The following CHRM3 variants were observed in gnomAD, a reference collection of about 807,000 sequenced individuals.
CHRM3 encodes muscarinic acetylcholine receptor M3.
A neutral mutation model predicts 41.8 loss-of-function variants in CHRM3; 11 were observed. That is an observed-to-expected ratio of 0.26 (90% CI 0.17 to 0.44). The LOEUF (loss-of-function observed/expected upper bound fraction) is 0.44, where lower values mean the gene tolerates loss of function less well. Among genes scored for constraint, CHRM3 ranks in the 20% least tolerant of loss-of-function variants. The pLI is 1.00. For synonymous variants in CHRM3, 297 were observed against 301.4 expected, an observed-to-expected ratio of 0.99 and a Z score of 0.15; for missense variants, 571 against 745.4, an observed-to-expected ratio of 0.77 and a Z score of 2.72.
chr1:239,501,337 A>G (rs1337079057), intron 2 of CHRM3, among the ~76,000 whole-genome samples: 1 of 152,196 alleles, frequency 6.6e-6, no homozygotes, highest in African/African-American at 2.4e-5. Flanking sequence ...TCTGTTCAAC[A>G]GCACATGGAA....
chr1:239,556,559 T>C (rs979558592), intron 3 of CHRM3, among the ~76,000 whole-genome samples: 1 of 152,178 alleles, frequency 6.6e-6, no homozygotes, highest in Non-Finnish European at 1.5e-5. Flanking sequence ...CTACCCAAAG[T>C]ACTAACAACC....
At position 239,908,003 on chromosome 1, in the gene CHRM3, A is replaced by T; in HGVS notation, c.552A>T (p.Arg184Ser). The change falls in exon 7 of 7, where the codon AGA (arginine) becomes AGT (serine). Residue 184 changes from arginine (R) to serine (S), a missense_variant. Arg to Ser is a moderately radical substitution (Grantham distance 110). Around this residue, in one of 5 missense-constraint regions of CHRM3, gnomAD observed 153 missense variants for 296.3 expected, o/e 0.52. Coordinates refer to ENST00000676153, the MANE Select transcript of CHRM3 (RefSeq NM_001375978.1). The surrounding 1 kb of genome is among the most constrained non-coding windows in gnomAD (Gnocchi z 7.2). ...LTYRAKRTTK[R>S]AGVMIGLAWV... ...ACCGAGCCAAACGAACAACAAAGAG[A>T]GCCGGTGTGATGATCGGTCTGGCTT... is the stretch of plus-strand genomic sequence containing the variant. 6.2e-7 allele frequency: 1 copy of T among 1,614,084 alleles called. No individual in the cohort carries two copies.
chr1:239,462,326 G>C (rs1320708550), intron 1 of CHRM3, among the ~76,000 whole-genome samples: 3 of 152,004 alleles, frequency 2.0e-5, no homozygotes, highest in South Asian at 2.1e-4. Context: ...TACCAGGTTA[G>C]TCATATCCAC....
intron 5 of CHRM3, among the ~76,000 whole-genome samples, chr1:239,715,616 A>G (rs1662270513): frequency 6.6e-6 from 1 of 152,142 alleles, no homozygotes; most frequent in African/African-American, 2.4e-5. Context: ...GGTTTGTGTG[A>G]GAAGTGGGAT....
chr1:239,670,013 G>A (rs1341703552), intron 4 of CHRM3, among the ~76,000 whole-genome samples: 2 of 152,060 alleles, frequency 1.3e-5, no homozygotes, highest in Admixed American at 6.6e-5. Context: ...CTTGAAATAC[G>A]AGATTTTAAG....
intron 6 of CHRM3, among the ~76,000 whole-genome samples, chr1:239,846,471 T>C (rs553580066): frequency 6.1e-4 from 93 of 152,304 alleles, no homozygotes; most frequent in African/African-American, 2.1e-3. Flanking sequence ...AATGCACCAA[T>C]GGATAAGCCA....
chr1:239,537,603 A>T (rs968157259), intron 2 of CHRM3, among the ~76,000 whole-genome samples: 1 of 152,072 alleles, frequency 6.6e-6, no homozygotes, highest in Non-Finnish European at 1.5e-5. Flanking sequence ...TCCTACCAGT[A>T]AGGTTCAGAA....
At chr1:239,728,756 C>T (rs985902075) in intron 5 of CHRM3, among the ~76,000 whole-genome samples, 3 of 151,932 alleles carry the variant, frequency 2.0e-5, no homozygotes, top group African/African-American at 7.2e-5. Flanking sequence ...ACCTTTTTGT[C>T]AAAGAGTCTC....
At chr1:239,887,792 T>C (rs972461853) in intron 6 of CHRM3, among the ~76,000 whole-genome samples, 20 of 152,176 alleles carry the variant, frequency 1.3e-4, no homozygotes, top group African/African-American at 4.3e-4. Context: ...TCAGAAAATG[T>C]ATTCTGAAGC....
At chr1:239,591,491 T>A (rs1664142942) in intron 3 of CHRM3, among the ~76,000 whole-genome samples, 1 of 152,076 alleles carries the variant, frequency 6.6e-6, no homozygotes, top group East Asian at 1.9e-4. Flanking sequence ...GGTCACACCA[T>A]CTTAACGTGC....
At chr1:239,694,159 T>C (rs1659965399) in intron 5 of CHRM3, among the ~76,000 whole-genome samples, 1 of 152,200 alleles carries the variant, frequency 6.6e-6, no homozygotes, top group African/African-American at 2.4e-5. Context: ...TAGAGCATAT[T>C]TACATATGTC....
intron 1 of CHRM3, among the ~76,000 whole-genome samples, chr1:239,470,365 G>A (rs1472805839): frequency 6.6e-6 from 1 of 152,164 alleles, no homozygotes; most frequent in Non-Finnish European, 1.5e-5. Context: ...CCAGTGCTGG[G>A]AAAGGATACA....
chr1:239,446,142 G>T (rs71644979), intron 1 of CHRM3, among the ~76,000 whole-genome samples: 1 of 152,004 alleles, frequency 6.6e-6, no homozygotes, highest in African/African-American at 2.4e-5. Flanking sequence ...TCACCATGTT[G>T]GCCAGGATGG....
At chr1:239,393,979 G>T (rs540432448) in intron 1 of CHRM3, among the ~76,000 whole-genome samples, 3 of 152,184 alleles carry the variant, frequency 2.0e-5, no homozygotes, top group Admixed American at 2.0e-4. Flanking sequence ...TTACATAGGT[G>T]TTGTATATAC....
chr1:239,487,890 A>C (rs1667289931), intron 1 of CHRM3, among the ~76,000 whole-genome samples: 1 of 151,966 alleles, frequency 6.6e-6, no homozygotes, highest in Non-Finnish European at 1.5e-5. Context: ...AGACAAAAAA[A>C]AGAAAAATAT....
chr1:239,511,523 T>C (rs965721743), intron 2 of CHRM3, among the ~76,000 whole-genome samples: 11 of 152,218 alleles, frequency 7.2e-5, no homozygotes, highest in Non-Finnish European at 2.9e-5. Flanking sequence ...TAAAAAGTAA[T>C]TTTTGAAAAG....
At chr1:239,644,398 C>G (rs775592458) in intron 4 of CHRM3, among the ~76,000 whole-genome samples, 10 of 152,148 alleles carry the variant, frequency 6.6e-5, no homozygotes, top group Non-Finnish European at 1.5e-4. Flanking sequence ...GCCTCAGAGC[C>G]TACATGTGGA....
intron 1 of CHRM3, among the ~76,000 whole-genome samples, chr1:239,408,707 C>A (rs1056176539): frequency 6.6e-6 from 1 of 151,848 alleles, no homozygotes; most frequent in South Asian, 2.1e-4. Flanking sequence ...AGTAAAGTGG[C>A]ACAATCACGG....
At chr1:239,555,262 A>G (rs1376946594) in intron 3 of CHRM3, among the ~76,000 whole-genome samples, 1 of 152,208 alleles carries the variant, frequency 6.6e-6, no homozygotes. Flanking sequence ...TGGTTCTTTG[A>G]TTAAAGTTTA....
Sources: gnomAD v4.1 joint callset for allele counts (sites outside exome capture counted in the v4.1 genomes callset) on GRCh38, gnomAD v4.1.1 for gene constraint, gnomAD v4.1.1 regional missense constraint, Gnocchi (gnomAD v3.1) non-coding constraint, MANE v1.5 for transcripts, NCBI Gene and HGNC (gene_info 2026-07-23, HGNC 2026-07-21) for gene names.